The following HDAC4 variants were observed in gnomAD, a reference collection of about 807,000 sequenced individuals.
The protein encoded by HDAC4 is histone deacetylase A.
A neutral mutation model predicts 135.1 loss-of-function variants in HDAC4; 16 were observed. The ratio of observed to expected loss-of-function variants is 0.12; its 90% CI spans 0.08 to 0.18. HDAC4 has a LOEUF of 0.18. Ranked by LOEUF, HDAC4 falls within the 10% of genes least tolerant of loss-of-function variation. HDAC4 has a pLI of 1.00. For synonymous variants in HDAC4, 685 were observed against 653.4 expected (o/e 1.05, Z -0.74); for missense variants, 1,143 against 1,511.8 (o/e 0.76, Z 4.05).
At chr2:239,193,025 G>A (rs2045104932) in intron 3 of HDAC4, among the ~76,000 whole-genome samples, 1 of 152,232 alleles carries the variant, frequency 6.6e-6, no homozygotes, top group Non-Finnish European at 1.5e-5. Context: ...AGACATTTTA[G>A]CTTGAACAAA....
chr2:239,398,492 C>T (rs1454110498), intron 1 of HDAC4, among the ~76,000 whole-genome samples: 1 of 152,176 alleles, frequency 6.6e-6, no homozygotes, highest in Non-Finnish European at 1.5e-5. Context: ...TGCAGCAACC[C>T]CACAATGTGT....
At chr2:239,066,901 C>T (rs780658346) in intron 23 of HDAC4, 46 bp from the exon 24 acceptor site, 21 of 1,592,216 alleles carry the variant, frequency 1.3e-5, no homozygotes, top group Non-Finnish European at 1.7e-5. Flanking sequence ...GGGAGGACCG[C>T]AGCCAGCACA....
intron 2 of HDAC4, among the ~76,000 whole-genome samples, chr2:239,298,992 C>A (rs1359743034): frequency 1.3e-5 from 2 of 151,584 alleles, no homozygotes; most frequent in Non-Finnish European, 2.9e-5. Context: ...CCTCAGCCTC[C>A]CGAGTAGCTG....
chr2:239,285,431 A>C lies in HDAC4; in HGVS notation c.23-48767T>G, dbSNP rs2051083608. Among the ~76,000 whole-genome samples the C allele has an allele frequency of 6.6e-6, 1 of 152,186 alleles. No homozygotes were observed. The highest frequency in any genetic ancestry group is 6.5e-5 in the Admixed American group (1 of 15,278). ...AGCCTTACAGCAAGGGGTTCCACCG[A>C]GGCTGGGGCTTCGCTAGTGTGCGGG... On this transcript the variant is annotated intron_variant, in intron 2 of 26. Transcript: ENST00000543185. This position sits in a 1 kb window ranked among gnomAD's most constrained non-coding sequence, Gnocchi z 4.5.
intron 3 of HDAC4, among the ~76,000 whole-genome samples, chr2:239,212,778 C>T (rs2046413560): frequency 6.6e-6 from 1 of 152,284 alleles, no homozygotes; most frequent in African/African-American, 2.4e-5. Flanking sequence ...GAGAACAGGA[C>T]AACAGGCAGT....
chr2:239,381,929 TCA>T (rs1695446368), intron 1 of HDAC4, among the ~76,000 whole-genome samples: 1 of 152,020 alleles, frequency 6.6e-6, no homozygotes, highest in South Asian at 2.1e-4. Context: ...CAGTTCCACG[TCA>T]CACACACACA....
At chr2:239,305,033 G>A (rs567223878) in intron 2 of HDAC4, among the ~76,000 whole-genome samples, 1 of 152,288 alleles carries the variant, frequency 6.6e-6, no homozygotes, top group South Asian at 2.1e-4. Flanking sequence ...ATGTCAGGAG[G>A]CAGGGCCTGT....
rs116366116 is a variant in HDAC4, at chr2:239,252,513, T to C, written c.23-15849A>G. Among the ~76,000 whole-genome samples, 1,202 of 152,314 alleles carry C rather than the reference T, an allele frequency of 7.9e-3. 17 individuals are homozygous for C. Among genetic ancestry groups the C allele is most frequent in the African/African-American group, 0.028 (1,158 of 41,556 alleles). The stretch of plus-strand genomic sequence containing the variant: ...TTGGCTGAGAGCATTTCTCAGGTTT[T>C]AGCAGAAAGTTAAAGAGAAAAATCA... On this transcript the variant is annotated intron_variant, in intron 2 of 26. Transcript: ENST00000543185.
At position 239,310,341 on chromosome 2, in the gene HDAC4, T is replaced by C. The variant is rs114903972; in HGVS notation, c.22+42337A>G. On this transcript the variant is annotated intron_variant, in intron 2 of 26. Coordinates refer to ENST00000543185, the MANE Select transcript of HDAC4 (RefSeq NM_001378414.1). ...GGTCCAGAGCTCCACAGACAGCAGA[T>C]ACACAAACTCTGAGTGACAGCATTG... 8.8e-3 allele frequency among the ~76,000 whole-genome samples: 1,337 copies of C among 152,344 alleles called. 24 individuals carry two copies. Among genetic ancestry groups the C allele is most frequent in the African/African-American group, 0.03 (1,253 of 41,576 alleles).
chr2:239,083,682 G>A (rs905455353), intron 20 of HDAC4, among the ~76,000 whole-genome samples: 2 of 152,204 alleles, frequency 1.3e-5, no homozygotes, highest in Non-Finnish European at 2.9e-5. Context: ...TTTAAAAAGA[G>A]ATGACTCTTT....
Position 239,167,331 on chromosome 2 carries a change from C to A in HDAC4, c.491-3408G>T, listed in dbSNP as rs1022909336. Among the ~76,000 whole-genome samples the A allele has an allele frequency of 6.6e-6, 1 of 152,300 alleles. No homozygotes were observed. The highest frequency in any genetic ancestry group is 1.9e-4 in the East Asian group (1 of 5,166). ...TGCTTCTGCAAACACCATTCGGTGGCAAAGGGTGACTTGGCCACAAGCCTG... is the reference window on the plus strand; with the variant it reads ...TGCTTCTGCAAACACCATTCGGTGGAAAAGGGTGACTTGGCCACAAGCCTG... On this transcript the variant is annotated intron_variant, in intron 5 of 26. Transcript: ENST00000543185. This position sits in a 1 kb window ranked among gnomAD's most constrained non-coding sequence, Gnocchi z 4.1.
At chr2:239,063,357 C>T (rs2106542495) in intron 24 of HDAC4, among the ~76,000 whole-genome samples, 1 of 152,208 alleles carries the variant, frequency 6.6e-6, no homozygotes, top group South Asian at 2.1e-4. Context: ...CCCGCCACTG[C>T]CCCCGACTAA....
intron 1 of HDAC4, among the ~76,000 whole-genome samples, chr2:239,372,991 T>C (rs1239528835): frequency 4.6e-5 from 7 of 152,226 alleles, no homozygotes; most frequent in Admixed American, 2.0e-4. Flanking sequence ...CCAAGCATTC[T>C]CCCACTCATG....
chr2:239,085,933 C>T (rs865945722), intron 19 of HDAC4: 1 of 150,160 alleles, frequency 6.7e-6, no homozygotes, highest in African/African-American at 2.5e-5. Flanking sequence ...TCTGCTCTAA[C>T]ACGCGGATCT....
chr2:239,339,836 G>T (rs1692186904), intron 2 of HDAC4, among the ~76,000 whole-genome samples: 1 of 152,170 alleles, frequency 6.6e-6, no homozygotes, highest in Non-Finnish European at 1.5e-5. Flanking sequence ...CCCCACATGT[G>T]ATTCTCATGC....
At chr2:239,058,520 A>G (rs1378800954) in intron 24 of HDAC4, among the ~76,000 whole-genome samples, 1 of 152,218 alleles carries the variant, frequency 6.6e-6, no homozygotes, top group Non-Finnish European at 1.5e-5. Context: ...GGGAAGGCTA[A>G]AAGTCCCAAA....
At chr2:239,190,389 G>A (rs555522626) in intron 3 of HDAC4, among the ~76,000 whole-genome samples, 49 of 152,312 alleles carry the variant, frequency 3.2e-4, no homozygotes, top group Non-Finnish European at 7.1e-4. Context: ...AGAGGACCCC[G>A]CTACAGGCCC....
At chr2:239,176,021 T>A (rs1045844739) in intron 5 of HDAC4, among the ~76,000 whole-genome samples, 4 of 152,040 alleles carry the variant, frequency 2.6e-5, no homozygotes, top group African/African-American at 7.2e-5. Context: ...CTGGCCTGCT[T>A]CTTAGAAACC....
intron 5 of HDAC4, among the ~76,000 whole-genome samples, chr2:239,172,375 A>G (rs2043509680): frequency 6.6e-6 from 1 of 151,602 alleles, no homozygotes; most frequent in Admixed American, 6.6e-5. Flanking sequence ...TGAGATAATT[A>G]TAATTCATAT....
Sources: allele counts gnomAD v4.1 joint callset (sites outside exome capture counted in the v4.1 genomes callset), GRCh38; gene constraint gnomAD v4.1.1; non-coding constraint Gnocchi (gnomAD v3.1); transcripts MANE v1.5; gene names NCBI Gene and HGNC (gene_info 2026-07-23, HGNC 2026-07-21).